Variants in LDLRAD3 observed in about 807,000 individuals in gnomAD.
The protein encoded by LDLRAD3 is low density lipoprotein receptor class A domain containing 3.
Under a neutral mutation model 29.4 loss-of-function variants are expected in LDLRAD3, and 20 were observed. The observed-to-expected ratio is 0.68, with a 90% CI of 0.48 to 0.99. LDLRAD3 has a LOEUF of 0.99. Ranked by LOEUF, LDLRAD3 falls within the 50% of genes least tolerant of loss-of-function variation. LDLRAD3 has a pLI of 0.00. For missense variants in LDLRAD3, 420 were observed against 454.3 expected (o/e 0.92, Z 0.69); for synonymous variants, 157 against 192.7 (o/e 0.81, Z 1.53).
intron 1 of LDLRAD3, among the ~76,000 whole-genome samples, chr11:36,024,432 C>G (rs1852137961): frequency 6.6e-6 from 1 of 152,142 alleles, no homozygotes; most frequent in Non-Finnish European, 1.5e-5. Context: ...GGGGTTTCCT[C>G]AGTTTTACAA....
chr11:36,045,414 T>C (rs2133218325), intron 2 of LDLRAD3, among the ~76,000 whole-genome samples: 1 of 152,340 alleles, frequency 6.6e-6, no homozygotes, highest in South Asian at 2.1e-4. Flanking sequence ...ATATTTATTC[T>C]TTCACAGTTC....
intron 4 of LDLRAD3, among the ~76,000 whole-genome samples, chr11:36,190,819 A>T (rs1854930133): frequency 6.6e-6 from 1 of 152,196 alleles, no homozygotes. Context: ...ACAAGTTTCT[A>T]GAGAGGGCAT....
At chr11:36,124,705 T>TC (rs1246432763) in intron 4 of LDLRAD3, among the ~76,000 whole-genome samples, 1 of 151,356 alleles carries the variant, frequency 6.6e-6, no homozygotes, top group Non-Finnish European at 1.5e-5. Context: ...TTTTTTTTTT[T>TC]CTTGGAGACA....
chr11:36,152,285 A>G (rs1052303974), intron 4 of LDLRAD3, among the ~76,000 whole-genome samples: 3 of 152,232 alleles, frequency 2.0e-5, no homozygotes, highest in Non-Finnish European at 4.4e-5. Flanking sequence ...GAAAATCTCT[A>G]GTCAGTTATA....
chr11:36,157,866 T>A (rs1158327989), intron 4 of LDLRAD3, among the ~76,000 whole-genome samples: 2 of 152,110 alleles, frequency 1.3e-5, no homozygotes, highest in African/African-American at 4.8e-5. Flanking sequence ...CTGTCACGGG[T>A]AGATGCTTCC....
At chr11:36,153,290 G>A (rs969427898) in intron 4 of LDLRAD3, among the ~76,000 whole-genome samples, 1 of 152,094 alleles carries the variant, frequency 6.6e-6, no homozygotes, top group African/African-American at 2.4e-5. Context: ...TATACTTCAG[G>A]AGTGAATAAA....
intron 4 of LDLRAD3, among the ~76,000 whole-genome samples, chr11:36,192,165 G>T (rs1358249141): frequency 6.6e-6 from 1 of 152,158 alleles, no homozygotes; most frequent in Non-Finnish European, 1.5e-5. Flanking sequence ...GTGTGCACAT[G>T]TTACTTTGAT....
chr11:36,015,672 A>G (rs1420164683), intron 1 of LDLRAD3, among the ~76,000 whole-genome samples: 1 of 98,930 alleles, frequency 1.0e-5, no homozygotes, highest in African/African-American at 3.9e-5. Flanking sequence ...GCCCCCCGCC[A>G]CTGTTCTGAC....
chr11:35,958,346 G>A (rs1317193441), intron 1 of LDLRAD3, among the ~76,000 whole-genome samples: 3 of 152,110 alleles, frequency 2.0e-5, no homozygotes, highest in African/African-American at 4.8e-5. Context: ...ATTCTTCCAC[G>A]GAAAGAAAAT....
chr11:36,013,087 C>T (rs1037060600), intron 1 of LDLRAD3, among the ~76,000 whole-genome samples: 3 of 152,174 alleles, frequency 2.0e-5, no homozygotes, highest in Non-Finnish European at 4.4e-5. Context: ...GTACAGGCAA[C>T]CTGAGAAATA....
chr11:36,161,956 G>A (rs963626583), intron 4 of LDLRAD3, among the ~76,000 whole-genome samples: 36 of 152,130 alleles, frequency 2.4e-4, no homozygotes, highest in Non-Finnish European at 4.7e-4. Flanking sequence ...TGTGCAGTCC[G>A]CAGACTTAGA....
chr11:36,217,910 C>T (rs1363985290), intron 4 of LDLRAD3, among the ~76,000 whole-genome samples: 1 of 152,200 alleles, frequency 6.6e-6, no homozygotes, highest in Non-Finnish European at 1.5e-5. Flanking sequence ...CTAAAGCTCT[C>T]TCTAATTCAG....
intron 2 of LDLRAD3, among the ~76,000 whole-genome samples, chr11:36,071,127 GAC>G (rs1457180715): frequency 4.6e-5 from 7 of 152,168 alleles, no homozygotes; most frequent in Admixed American, 4.6e-4. Context: ...AATGAAAAGA[GAC>G]AGAGATGGAT....
At chr11:36,007,365 C>T (rs896365120) in intron 1 of LDLRAD3, among the ~76,000 whole-genome samples, 1 of 152,162 alleles carries the variant, frequency 6.6e-6, no homozygotes, top group African/African-American at 2.4e-5. Flanking sequence ...GCAATTATAT[C>T]TACTGGCCGG....
At chr11:36,080,085 T>G (rs1490990263) in intron 2 of LDLRAD3, among the ~76,000 whole-genome samples, 1 of 152,220 alleles carries the variant, frequency 6.6e-6, no homozygotes, top group Non-Finnish European at 1.5e-5. Context: ...GTTGCCAAAG[T>G]CAGCATGTTA....
intron 1 of LDLRAD3, among the ~76,000 whole-genome samples, chr11:36,014,119 G>A (rs908882178): frequency 2.0e-5 from 3 of 152,102 alleles, no homozygotes; most frequent in Admixed American, 6.6e-5. Context: ...TTCCTTCCAC[G>A]CCTCCCTGTT....
At chr11:35,973,310 A>G (rs1475888585) in intron 1 of LDLRAD3, among the ~76,000 whole-genome samples, 1 of 152,128 alleles carries the variant, frequency 6.6e-6, no homozygotes, top group Non-Finnish European at 1.5e-5. Context: ...ATTTCACTCT[A>G]AGCTCCTATT....
In LDLRAD3 at chr11:36,227,458, C is replaced by T. The variant is rs770842001; in HGVS notation, c.800+28C>T. 1.6e-5 allele frequency: 23 copies of T among 1,475,290 alleles called. No homozygotes were observed. Among genetic ancestry groups the T allele is most frequent in the South Asian group, 6.7e-5 (5 of 74,664 alleles). The allele number at this position is 1,475,290 out of a possible 1,614,324, so 91.4% of individuals were successfully genotyped here. A position where few individuals can be genotyped will look rare whatever the true frequency, so the allele number is the denominator to read the frequency against. On this transcript the variant is annotated intron_variant, in intron 5 of 5. Transcript: ENST00000315571. ...GTGTGCTGGATGGAAGAGATTGAGGCGGGAGAGGTCATCCATTGCGGGGAG... is the reference window on the plus strand; with the variant it reads ...GTGTGCTGGATGGAAGAGATTGAGGTGGGAGAGGTCATCCATTGCGGGGAG...
At chr11:35,977,252 C>G (rs1003532471) in intron 1 of LDLRAD3, among the ~76,000 whole-genome samples, 3 of 152,094 alleles carry the variant, frequency 2.0e-5, no homozygotes, top group African/African-American at 7.2e-5. Flanking sequence ...TGGAGGAAGG[C>G]AGAAGGCACC....
Sources: gnomAD v4.1 joint callset for allele counts (sites outside exome capture counted in the v4.1 genomes callset) on GRCh38, gnomAD v4.1.1 for gene constraint, MANE v1.5 for transcripts, NCBI Gene and HGNC (gene_info 2026-07-23, HGNC 2026-07-21) for gene names.